ZCCHC18: variants seen among roughly 807,000 people sequenced by gnomAD.
ZCCHC18 encodes zinc finger CCHC-type containing 18, also known as zinc finger CCHC domain-containing protein 18.
For synonymous variants in ZCCHC18, 112 were observed against 115.7 expected (o/e 0.97, Z 0.21); for missense variants, 292 against 305.1 (o/e 0.96, Z 0.32).
rs782409126 is a variant in ZCCHC18, at chrX:104,115,211, A to G, written c.1100A>G (p.Asn367Ser). The G allele has an allele frequency of 2.5e-4, 306 of 1,206,678 alleles. No homozygotes were observed. The highest frequency in any genetic ancestry group is 3.3e-4 in the Non-Finnish European group (294 of 893,486). The change falls in exon 3 of 3, where the codon AAC (asparagine) becomes AGC (serine). Residue 367 changes from asparagine (N) to serine (S), a missense_variant. Transcript: ENST00000650639. The part of the protein sequence containing the change: ...HSKETCDNES[N>S]KAQVFENLII... ...AAAGAAACCTGTGACAATGAGAGCA[A>G]CAAGGCCCAGGTTTTTGAGAATCTG...
Position 104,114,774 on chromosome X carries a change from T to G in ZCCHC18, c.663T>G (p.Asp221Glu). The G allele has an allele frequency of 8.3e-7, 1 of 1,211,151 alleles. No individual in the cohort carries two copies. Among genetic ancestry groups the G allele is most frequent in the South Asian group, 1.8e-5 (1 of 56,874 alleles). The change falls in exon 3 of 3, where the codon GAT (aspartate) becomes GAG (glutamate). Residue 221 changes from aspartate (D) to glutamate (E), a missense_variant. Physicochemically the swap from Asp to Glu is conservative, Grantham distance 45. Coordinates refer to ENST00000650639, the MANE Select transcript of ZCCHC18 (RefSeq NM_001143978.3). Reference sequence around the variant, plus strand: ...TCAAGATGATAAGGGAGGAAGAGGATTGGGATGATGCTTTTATTAAACGGA... The same window carrying G: ...TCAAGATGATAAGGGAGGAAGAGGAGTGGGATGATGCTTTTATTAAACGGA... ...ELIKMIREEEDWDDAFIKRKR... is the reference protein window; with the variant it reads ...ELIKMIREEEEWDDAFIKRKR...
At position 104,114,882 on chromosome X, in the gene ZCCHC18, C is replaced by T. The variant is rs782169722; in HGVS notation, c.771C>T (p.Ser257=). 1.7e-6 allele frequency: 2 copies of T among 1,205,977 alleles called. No individual in the cohort carries two copies. Among genetic ancestry groups the T allele is most frequent in the South Asian group, 3.6e-5 (2 of 56,029 alleles). The change falls in exon 3 of 3, where the codon AGC becomes AGT. Residue 257 remains serine (S), a synonymous_variant. Transcript: ENST00000650639. ...AGGGCGCCCAGCCAATAGCAATCAG[C>T]AGTGCTGACTGTAACTGCAACGTGA... is the stretch of plus-strand genomic sequence containing the variant. ...AFQGAQPIAI[S]SADCNCNVIE... is the part of the protein sequence containing the mutation.
Position 104,113,200 on chromosome X carries a change from C to T in ZCCHC18, c.-725C>T, listed in dbSNP as rs1290826162. On this transcript the variant is annotated 5_prime_UTR_variant, in exon 2 of 3. Coordinates refer to ENST00000650639, the MANE Select transcript of ZCCHC18 (RefSeq NM_001143978.3). ...AGTCTCTTTCTCCCTGGCAGGTCAT[C>T]AAAGCCGAATCCGAACTTGAATTCT... 9.0e-6 allele frequency: 1 copy of T among 111,439 alleles called. No individual in the cohort carries two copies. Among genetic ancestry groups the T allele is most frequent in the African/African-American group, 3.3e-5 (1 of 30,594 alleles). 9.2% of individuals were successfully genotyped at this position (111,439 alleles called of 1,213,427 possible). A position where few individuals can be genotyped will look rare whatever the true frequency, so the allele number is the denominator to read the frequency against.
chrX:104,113,954 C>T lies in ZCCHC18; in HGVS notation c.-158C>T. 1.1e-6 allele frequency: 1 copy of T among 896,195 alleles called. No individual in the cohort carries two copies. The highest frequency in any genetic ancestry group is 1.5e-6 in the Non-Finnish European group (1 of 660,819). The allele number at this position is 896,195 out of a possible 1,213,427, so 73.9% of individuals were successfully genotyped here. A position where few individuals can be genotyped will look rare whatever the true frequency, so the allele number is the denominator to read the frequency against. ...GCTACTGCAGACTGCTTCCCCACAG[C>T]CCACTATCTTATTAACCTTTTTTAC... On this transcript the variant is annotated 5_prime_UTR_variant, in exon 3 of 3. Coordinates refer to ENST00000650639, the MANE Select transcript of ZCCHC18 (RefSeq NM_001143978.3).
rs781945327 is a variant in ZCCHC18 at position 104,114,483 on chromosome X, T to TG, written c.373dup (p.Glu125GlyfsTer9). ...CAATGAAATTGGTGTTTGGGGAGTCTGAAAGCAGTGTGACTGCCCATGGTA... is the reference window on the plus strand; with the variant it reads ...CAATGAAATTGGTGTTTGGGGAGTCTGGAAAGCAGTGTGACTGCCCATGGTA... On this transcript the variant is annotated frameshift_variant, in exon 3 of 3. Coordinates refer to ENST00000650639, the MANE Select transcript of ZCCHC18 (RefSeq NM_001143978.3). LOFTEE classifies it low-confidence loss of function (END_TRUNC). The TG allele has an allele frequency of 3.3e-4, 402 of 1,209,981 alleles. 1 individual carries two copies. In the South Asian group the frequency reaches 6.5e-3, roughly 20 times the overall value.
In ZCCHC18 at chrX:104,115,470, C is replaced by G. The variant is rs782365566; in HGVS notation, c.*147C>G. On this transcript the variant is annotated 3_prime_UTR_variant, in exon 3 of 3. Transcript: ENST00000650639. ...AAGGAGAAGAGGTCTTGCATACCAG[C>G]ACAGTGGATGGGGAATGGTGTGACC... 9.5e-6 allele frequency: 5 copies of G among 524,045 alleles called. No individual in the cohort carries two copies. The highest frequency in any genetic ancestry group is 1.6e-5 in the Non-Finnish European group (5 of 320,861). 43.2% of individuals were successfully genotyped at this position (524,045 alleles called of 1,213,427 possible). A position where few individuals can be genotyped will look rare whatever the true frequency, so the allele number is the denominator to read the frequency against.
chrX:104,114,042 T>C lies in ZCCHC18; in HGVS notation c.-70T>C. ...AGCCCAGGAACGTTGCTTTGGAGAA[T>C]CCTGCAGATAAGGCTTTTCCAAAAA... On this transcript the variant is annotated 5_prime_UTR_variant, in exon 3 of 3. Coordinates refer to ENST00000650639, the MANE Select transcript of ZCCHC18 (RefSeq NM_001143978.3). 8.3e-7 allele frequency: 1 copy of C among 1,200,168 alleles called. No individual in the cohort carries two copies. Among genetic ancestry groups the C allele is most frequent in the Non-Finnish European group, 1.1e-6 (1 of 889,682 alleles).
chrX:104,112,946 T>C lies in ZCCHC18; in HGVS notation c.-786T>C, dbSNP rs2147867392. 1 of 106,884 alleles carries C rather than the reference T, an allele frequency of 9.4e-6. No homozygotes were observed. The highest frequency in any genetic ancestry group is 4.3e-4 in the South Asian group (1 of 2,336). 8.8% of individuals were successfully genotyped at this position (106,884 alleles called of 1,213,427 possible). A position where few individuals can be genotyped will look rare whatever the true frequency, so the allele number is the denominator to read the frequency against. On this transcript the variant is annotated 5_prime_UTR_variant, in exon 1 of 3. Coordinates refer to ENST00000650639, the MANE Select transcript of ZCCHC18 (RefSeq NM_001143978.3). Reference sequence around the variant, plus strand: ...GGCCTGGTTGCGCTGAGGAAGGAGTTGTGGTTCATCTGGATGCTGCCGACT... The same window carrying C: ...GGCCTGGTTGCGCTGAGGAAGGAGTCGTGGTTCATCTGGATGCTGCCGACT...
chrX:104,115,391 G>T lies in ZCCHC18; in HGVS notation c.*68G>T, dbSNP rs1419546579. 8.9e-6 allele frequency: 9 copies of T among 1,011,948 alleles called. No individual in the cohort carries two copies. The highest frequency in any genetic ancestry group is 1.2e-5 in the Non-Finnish European group (9 of 762,284). 83.4% of individuals were successfully genotyped at this position (1,011,948 alleles called of 1,213,427 possible). A position where few individuals can be genotyped will look rare whatever the true frequency, so the allele number is the denominator to read the frequency against. ...GTCTGGTAATGGGAATAACAGGAGA[G>T]GGGGGTGGGTTTCTAACTGCATGAA... On this transcript the variant is annotated 3_prime_UTR_variant, in exon 3 of 3. Transcript: ENST00000650639.
rs2075363406 is a variant in ZCCHC18, at chrX:104,114,111, C to G, written c.-1C>G. On this transcript the variant is annotated 5_prime_UTR_variant, in exon 3 of 3. Transcript: ENST00000650639. ...ATTCAGATACCCTATCGTCGTCAGT[C>G]ATGGCTAGCATCACTGCGTGTGTGG... The G allele has an allele frequency of 8.3e-7, 1 of 1,209,830 alleles. No homozygotes were observed. Among genetic ancestry groups the G allele is most frequent in the East Asian group, 3.0e-5 (1 of 33,770 alleles).
At position 104,115,511 on chromosome X, in the gene ZCCHC18, T is replaced by C; in HGVS notation, c.*188T>C. On this transcript the variant is annotated 3_prime_UTR_variant, in exon 3 of 3. Coordinates refer to ENST00000650639, the MANE Select transcript of ZCCHC18 (RefSeq NM_001143978.3). ...TGGTGTGACCTCTGTCCCTGCTCTC[T>C]TCTCTGCTGGCTTAAGGGTCTATTC... 1 of 417,670 alleles carries C rather than the reference T, an allele frequency of 2.4e-6. No homozygotes were observed. Among genetic ancestry groups the C allele is most frequent in the East Asian group, 3.8e-5 (1 of 26,100 alleles). The allele number at this position is 417,670 out of a possible 1,213,427, so 34.4% of individuals were successfully genotyped here. A position where few individuals can be genotyped will look rare whatever the true frequency, so the allele number is the denominator to read the frequency against.
In ZCCHC18 at chrX:104,114,802, C is replaced by T. The variant is rs1556360681; in HGVS notation, c.691C>T (p.Arg231Trp). ...DWDDAFIKRK[R>W]PKRSEPIMER... ...GGATGATGCTTTTATTAAACGGAAG[C>T]GGCCGAAAAGGTCTGAGCCAATAAT... Residue 231 changes from arginine (R) to tryptophan (W), a missense_variant, in exon 3 of 3, where the codon CGG (arginine) becomes TGG (tryptophan). Physicochemically the swap from Arg to Trp is moderately radical, Grantham distance 101 (BLOSUM62 -3). Transcript: ENST00000650639. The T allele has an allele frequency of 1.7e-6, 2 of 1,210,551 alleles. No homozygotes were observed. The highest frequency in any genetic ancestry group is 2.2e-5 in the Admixed American group (1 of 45,933).
In ZCCHC18 at chrX:104,114,260, G is replaced by C; in HGVS notation, c.149G>C (p.Gly50Ala). The C allele has an allele frequency of 2.5e-6, 3 of 1,209,976 alleles. No individual in the cohort carries two copies. The highest frequency in any genetic ancestry group is 3.4e-6 in the Non-Finnish European group (3 of 894,570). The change falls in exon 3 of 3, where the codon GGA becomes GCA. Residue 50 changes from glycine (G) to alanine (A), a missense_variant. Coordinates refer to ENST00000650639, the MANE Select transcript of ZCCHC18 (RefSeq NM_001143978.3). ...GAGAGAAACATGAAGTTGTTCTCAG[G>C]AAGAGTGGTGCCAGCCCAGGGGAAA... ...MAERNMKLFSGRVVPAQGKET... is the reference protein window; with the variant it reads ...MAERNMKLFSARVVPAQGKET...
rs782699367 is a variant in ZCCHC18 at position 104,114,960 on chromosome X, GTC to G, written c.853_854del (p.Leu285ValfsTer26). On this transcript the variant is annotated frameshift_variant, in exon 3 of 3. Coordinates refer to ENST00000650639, the MANE Select transcript of ZCCHC18 (RefSeq NM_001143978.3). LOFTEE classifies it low-confidence loss of function (END_TRUNC). ...DSDEDVILVV[S>X]LYPSLTPTGA... ...CTGATGAGGATGTGATCCTGGTGGTGTCTCTGTACCCTTCACTGACACCTACA... is the reference window on the plus strand; with the variant it reads ...CTGATGAGGATGTGATCCTGGTGGTGTCTGTACCCTTCACTGACACCTACA... The G allele has an allele frequency of 8.4e-7, 1 of 1,196,167 alleles. No homozygotes were observed. The highest frequency in any genetic ancestry group is 1.8e-5 in the South Asian group (1 of 54,836).
In ZCCHC18 at chrX:104,114,816, T is replaced by C. The variant is rs368025141; in HGVS notation, c.705T>C (p.Ser235=). ...TTAAACGGAAGCGGCCGAAAAGGTC[T>C]GAGCCAATAATGGAGAGGGCAGCCA... ...AFIKRKRPKR[S]EPIMERAASP... is the part of the protein sequence containing the mutation. Residue 235 remains serine, a synonymous_variant, in exon 3 of 3, where the codon TCT becomes TCC. Transcript: ENST00000650639. The C allele has an allele frequency of 2.4e-4, 292 of 1,209,244 alleles. 1 individual carries two copies. The highest frequency in any genetic ancestry group is 4.1e-5 in the Non-Finnish European group (37 of 894,637).
In ZCCHC18 at chrX:104,113,874, A is replaced by T; in HGVS notation, c.-238A>T. 2.4e-6 allele frequency: 1 copy of T among 422,179 alleles called. No individual in the cohort carries two copies. The highest frequency in any genetic ancestry group is 4.0e-6 in the Non-Finnish European group (1 of 252,292). The allele number at this position is 422,179 out of a possible 1,213,427, so 34.8% of individuals were successfully genotyped here. ...TGCCAGTCTCCTGCAGGGTATTGTT[A>T]AGGCACTGGGCAGATATAAAATGCA... On this transcript the variant is annotated 5_prime_UTR_variant, in exon 3 of 3. It removes the in-frame stop codon of an upstream open reading frame in the 5' UTR. Transcript: ENST00000650639.
chrX:104,113,212 C>G lies in ZCCHC18; in HGVS notation c.-713C>G, dbSNP rs2075358386. 1 of 111,467 alleles carries G rather than the reference C, an allele frequency of 9.0e-6. No homozygotes were observed. 9.2% of individuals were successfully genotyped at this position (111,467 alleles called of 1,213,427 possible). On this transcript the variant is annotated 5_prime_UTR_variant, in exon 2 of 3. Coordinates refer to ENST00000650639, the MANE Select transcript of ZCCHC18 (RefSeq NM_001143978.3). Reference sequence around the variant, plus strand: ...CCTGGCAGGTCATCAAAGCCGAATCCGAACTTGAATTCTGTGCGGCGGATT... The same window carrying G: ...CCTGGCAGGTCATCAAAGCCGAATCGGAACTTGAATTCTGTGCGGCGGATT...
At position 104,114,001 on chromosome X, in the gene ZCCHC18, A is replaced by C; in HGVS notation, c.-111A>C. 8.8e-7 allele frequency: 1 copy of C among 1,131,907 alleles called. No individual in the cohort carries two copies. The highest frequency in any genetic ancestry group is 1.2e-6 in the Non-Finnish European group (1 of 851,209). 93.3% of individuals were successfully genotyped at this position (1,131,907 alleles called of 1,213,427 possible). A position where few individuals can be genotyped will look rare whatever the true frequency, so the allele number is the denominator to read the frequency against. The stretch of plus-strand genomic sequence containing the variant: ...TTACTTTCCTTAGAATCCCTACTGA[A>C]ATATAAGGCAGGCACAGCCCAGGAA... On this transcript the variant is annotated 5_prime_UTR_variant, in exon 3 of 3. Coordinates refer to ENST00000650639, the MANE Select transcript of ZCCHC18 (RefSeq NM_001143978.3).
rs2075370937 is a variant in ZCCHC18, at chrX:104,115,077, T to C, written c.966T>C (p.Ser322=). The change falls in exon 3 of 3, where the codon TCT becomes TCC. Residue 322 remains serine (S), a synonymous_variant. Transcript: ENST00000650639. ...ACAATTCTGGGGCTCAGTCTCTTTC[T>C]ACCAGTGGTGGTTCTGGGTATAAGA... ...SPNNSGAQSL[S]TSGGSGYKND... The C allele has an allele frequency of 1.7e-6, 2 of 1,199,637 alleles. No individual in the cohort carries two copies. Among genetic ancestry groups the C allele is most frequent in the East Asian group, 6.0e-5 (2 of 33,387 alleles).
Sources: allele counts gnomAD v4.1 joint callset, GRCh38; gene constraint gnomAD v4.1.1; transcripts MANE v1.5; gene names NCBI Gene and HGNC (gene_info 2026-07-23, HGNC 2026-07-21).